SBNO2: variants seen among roughly 807,000 people sequenced by gnomAD.
The protein encoded by SBNO2 is strawberry notch homolog 2.
A neutral mutation model predicts 146.3 loss-of-function variants in SBNO2; 89 were observed. The observed-to-expected ratio is 0.61, with a 90% CI of 0.51 to 0.73. SBNO2 has a LOEUF of 0.73. SBNO2 is among the 30% of genes least tolerant of loss of function. The pLI is 0.00. For missense variants in SBNO2, 2,092 were observed against 2,003.7 expected, an observed-to-expected ratio of 1.04 and a Z score of -0.84; for synonymous variants, 1,147 against 892.6, an observed-to-expected ratio of 1.29 and a Z score of -5.08.
intron 7 of SBNO2, 35 bp downstream of exon 7, chr19:1,123,499 C>A: frequency 6.3e-7 from 1 of 1,585,444 alleles, no homozygotes; most frequent in Non-Finnish European, 8.7e-7. Flanking sequence ...AGGGTTTGAA[C>A]CTGTCCCAGG....
At chr19:1,111,893 C>A (rs1013728683) in intron 23 of SBNO2, 103 bp downstream of exon 23, 3 of 1,162,140 alleles carry the variant, frequency 2.6e-6, no homozygotes, top group Non-Finnish European at 3.7e-6. Flanking sequence ...CTGAGCCCCA[C>A]GTTCTCCAGC....
chr19:1,165,630 CCAGATCCCAGACTT>C (rs1435686982), intron 1 of SBNO2, among the ~76,000 whole-genome samples: 1 of 151,920 alleles, frequency 6.6e-6, no homozygotes, highest in Non-Finnish European at 1.5e-5. Context: ...ATCTCAGACC[CCAGATCCCAGACTT>C]CAGATCCCTA....
rs761766651 is a variant in SBNO2, at chr19:1,123,584, G to A, written c.578C>T (p.Ala193Val). 8.7e-6 allele frequency: 14 copies of A among 1,613,272 alleles called. No individual in the cohort carries two copies. The highest frequency in any genetic ancestry group is 3.3e-5 in the Admixed American group (2 of 59,954). ...GGTCTCTGTGTGCCCCAGCTCCTCC[G>A]CCTCCTCCTCCTCAGCCTCGTCCTC... is the stretch of plus-strand genomic sequence containing the variant. ...EEEDEAEEEEAEELGHTETYA... is the reference protein window; with the variant it reads ...EEEDEAEEEEVEELGHTETYA... Residue 193 changes from alanine to valine, a missense_variant, in exon 7 of 32, where the codon GCG becomes GTG. Coordinates refer to ENST00000361757, the MANE Select transcript of SBNO2 (RefSeq NM_014963.3).
intron 4 of SBNO2, among the ~76,000 whole-genome samples, chr19:1,133,475 C>T (rs971975691): frequency 4.7e-5 from 7 of 150,418 alleles, no homozygotes; most frequent in African/African-American, 1.5e-4. Flanking sequence ...CTGTTCTAGA[C>T]CCTGAGGCCC....
chr19:1,127,442 C>T (rs1009172866), intron 5 of SBNO2, 162 bp downstream of exon 5: 1 of 694,416 alleles, frequency 1.4e-6, no homozygotes, highest in East Asian at 2.6e-5. Context: ...GGACCCTCAA[C>T]TAACCACCTC....
chr19:1,172,516 C>G (rs2080487683), intron 1 of SBNO2, among the ~76,000 whole-genome samples: 2 of 152,172 alleles, frequency 1.3e-5, no homozygotes, highest in African/African-American at 2.4e-5. Flanking sequence ...TCCCATGTCC[C>G]CGCTGCTCCT....
intron 5 of SBNO2, 160 bp from the exon 6 acceptor site, chr19:1,124,182 G>A: frequency 1.4e-6 from 1 of 706,324 alleles, no homozygotes; most frequent in South Asian, 1.6e-5. Flanking sequence ...GCTGTTCTCA[G>A]GGTGACCCTG....
In SBNO2 at chr19:1,150,420, C is replaced by G. The variant is rs950591216; in HGVS notation, c.94-978G>C. ...TGCACAGGGCCAACCTCACCTGCAG[C>G]AGAGAGACCCTGCCGTCACAGACGC... is the stretch of plus-strand genomic sequence containing the variant. On this transcript the variant is annotated intron_variant, in intron 2 of 31. Transcript: ENST00000361757. The surrounding 1 kb of genome is among the most constrained non-coding windows in gnomAD (Gnocchi z 6.2). Among the ~76,000 whole-genome samples, 20 of 151,788 alleles carry G rather than the reference C, an allele frequency of 1.3e-4. No individual in the cohort carries two copies. The highest frequency in any genetic ancestry group is 1.1e-3 in the Admixed American group (17 of 15,272).
chr19:1,131,910 CCT>C (rs2080032973), intron 4 of SBNO2, among the ~76,000 whole-genome samples: 2 of 152,360 alleles, frequency 1.3e-5, no homozygotes, highest in African/African-American at 2.4e-5. Flanking sequence ...CGGCAGATTC[CCT>C]CTCACTGCCA....
At chr19:1,129,509 C>A (rs751295634) in intron 4 of SBNO2, among the ~76,000 whole-genome samples, 1 of 152,136 alleles carries the variant, frequency 6.6e-6, no homozygotes, top group Non-Finnish European at 1.5e-5. Flanking sequence ...CAGCACCCCC[C>A]ACCCCAGGAG....
intron 1 of SBNO2, among the ~76,000 whole-genome samples, chr19:1,160,748 TCGA>T (rs1364481430): frequency 1.3e-5 from 2 of 152,160 alleles, no homozygotes; most frequent in Non-Finnish European, 2.9e-5. Context: ...CAGGCTGGTC[TCGA>T]ACTGCCGATT....
intron 1 of SBNO2, chr19:1,169,201 G>A (rs2080454591): frequency 6.6e-6 from 1 of 152,124 alleles, no homozygotes; most frequent in African/African-American, 2.4e-5. Flanking sequence ...AGGCTGCCCG[G>A]GACAGTGCCT....
intron 2 of SBNO2, among the ~76,000 whole-genome samples, chr19:1,153,129 G>A (rs556272919): frequency 2.1e-4 from 32 of 150,792 alleles, no homozygotes; most frequent in Middle Eastern, 6.9e-3. Context: ...CTTCCAGCCT[G>A]GGCAACAGAG....
At chr19:1,147,545 G>A (rs540284576) in intron 3 of SBNO2, 125 bp from the exon 4 acceptor site, 62 of 557,454 alleles carry the variant, frequency 1.1e-4, no homozygotes, top group African/African-American at 1.0e-3. Flanking sequence ...TGCCCAGCCC[G>A]GCAGGACCCA....
intron 2 of SBNO2, among the ~76,000 whole-genome samples, chr19:1,152,861 C>T (rs1000118111): frequency 6.6e-6 from 1 of 152,154 alleles, no homozygotes; most frequent in African/African-American, 2.4e-5. Context: ...CCAGGTAAAT[C>T]CCCAGGCAGG....
rs937688715 is a variant in SBNO2, at chr19:1,112,669, C to T, written c.2380-132G>A. On this transcript the variant is annotated intron_variant, in intron 20 of 31. Transcript: ENST00000361757. This position sits in a 1 kb window ranked among gnomAD's most constrained non-coding sequence, Gnocchi z 5.9. ...GGGGCAGCGAGAGGCCTGCGGGGCG[C>T]GGACACCACCCGCCACACGGCCACT... is the stretch of plus-strand genomic sequence containing the variant. 15 of 1,432,764 alleles carry T rather than the reference C, an allele frequency of 1.0e-5. No homozygotes were observed. Among genetic ancestry groups the T allele is most frequent in the Middle Eastern group, 2.5e-4 (1 of 3,988 alleles). The allele number at this position is 1,432,764 out of a possible 1,614,324, so 88.8% of individuals were successfully genotyped here.
chr19:1,121,186 G>T (rs1184435681), intron 11 of SBNO2, among the ~76,000 whole-genome samples: 2 of 152,216 alleles, frequency 1.3e-5, no homozygotes, highest in South Asian at 2.1e-4. Flanking sequence ...ACTGCACCCG[G>T]CCAGGTTCTT....
At position 1,108,340 on chromosome 19, in the gene SBNO2, C is replaced by T. The variant is rs1167678881; in HGVS notation, c.3981G>A (p.Pro1327=). ...CCTCCCCCAGCGCGCCCTCGGAGGG[C>T]GGCCCCGCGTGCAGCGAGCGCAGCA... ...EDMLRSLHAG[P]PSEGALGEGA... The change falls in exon 32 of 32, where the codon CCG becomes CCA. Residue 1327 remains proline (P), a synonymous_variant. Coordinates refer to ENST00000361757, the MANE Select transcript of SBNO2 (RefSeq NM_014963.3). The T allele has an allele frequency of 5.3e-6, 7 of 1,330,870 alleles. No individual in the cohort carries two copies. The highest frequency in any genetic ancestry group is 6.7e-6 in the Non-Finnish European group (7 of 1,037,894). The allele number at this position is 1,330,870 out of a possible 1,614,324, so 82.4% of individuals were successfully genotyped here.
In SBNO2 at chr19:1,136,512, C is replaced by T. The variant is rs907872355; in HGVS notation, c.280-8747G>A. On this transcript the variant is annotated intron_variant, in intron 4 of 31. Coordinates refer to ENST00000361757, the MANE Select transcript of SBNO2 (RefSeq NM_014963.3). The surrounding 1 kb of genome is among the most constrained non-coding windows in gnomAD (Gnocchi z 4.2). ...CTCCTGCACCTGCCCAGGCCCTGGG[C>T]GGAGGCTCCTCCTCCCGGGGGGGCT... Among the ~76,000 whole-genome samples, 3 of 152,190 alleles carry T rather than the reference C, an allele frequency of 2.0e-5. No homozygotes were observed. The highest frequency in any genetic ancestry group is 7.2e-5 in the African/African-American group (3 of 41,456).
Sources: gnomAD v4.1 joint callset for allele counts (sites outside exome capture counted in the v4.1 genomes callset) on GRCh38, gnomAD v4.1.1 for gene constraint, Gnocchi (gnomAD v3.1) non-coding constraint, MANE v1.5 for transcripts, NCBI Gene and HGNC (gene_info 2026-07-23, HGNC 2026-07-21) for gene names.